Variants in RMDN2 observed in about 807,000 individuals in gnomAD.
RMDN2 encodes the protein regulator of microtubule dynamics 2, also known as regulator of microtubule dynamics protein 2.
Under a neutral mutation model 52.8 loss-of-function variants are expected in RMDN2, and 61 were observed. The ratio of observed to expected loss-of-function variants is 1.16; its 90% confidence interval spans 0.94 to 1.43. The LOEUF (loss-of-function observed/expected upper bound fraction) is 1.43. RMDN2 is among the 40% of genes most tolerant of loss of function. RMDN2 has a pLI of 0.00. For missense variants in RMDN2, 592 were observed against 475.3 expected (o/e 1.25, Z -2.28); for synonymous variants, 180 against 153.1 (o/e 1.18, Z -1.30).
In RMDN2 at chr2:37,978,661, A is replaced by C. The variant is rs148470113; in HGVS notation, c.731-2622A>C. Among the ~76,000 whole-genome samples, 226 of 152,298 alleles carry C rather than the reference A, an allele frequency of 1.5e-3. No individual in the cohort carries two copies. The Middle Eastern group carries it at 0.034, about 23-fold the overall frequency. On this transcript the variant is annotated intron_variant, in intron 4 of 10. Transcript: ENST00000354545. ...GGCAACATAGGGAGACCTTGTCTCT[A>C]CTAAAAATAACACGACTGAGGTGGG...
intron 2 of RMDN2, among the ~76,000 whole-genome samples, chr2:37,938,971 C>T (rs1251531666): frequency 1.3e-5 from 2 of 152,122 alleles, no homozygotes; most frequent in African/African-American, 2.4e-5. Flanking sequence ...TGCACTAGTT[C>T]TTTTAATTGT....
rs143879249 is a variant in RMDN2, at chr2:38,004,002, A to C, written c.1056A>C (p.Leu352=). Residue 352 remains leucine, a synonymous_variant, in exon 9 of 11, where the codon CTA becomes CTC. Transcript: ENST00000354545. ...TTCTCTCAAATCAGGCTGAAGAACT[A>C]TGCCCTGGTTATTCTAATCCCAATT... ...ALHNFLKAEE[L]CPGYSNPNYM... 11 of 1,612,632 alleles carry C rather than the reference A, an allele frequency of 6.8e-6. No homozygotes were observed.
At chr2:37,969,544 A>T (rs1211581619) in intron 2 of RMDN2, among the ~76,000 whole-genome samples, 1 of 151,784 alleles carries the variant, frequency 6.6e-6, no homozygotes, top group African/African-American at 2.4e-5. Context: ...TGATTTTGGA[A>T]GATTTATTAT....
chr2:37,960,468 C>CT (rs1036794071), intron 2 of RMDN2, among the ~76,000 whole-genome samples: 41 of 150,764 alleles, frequency 2.7e-4, no homozygotes, highest in Admixed American at 4.6e-4. Flanking sequence ...GCAACCCCTG[C>CT]TTTTTTTTTG....
chr2:38,061,821 A>T (rs1180845066), intron 10 of RMDN2, among the ~76,000 whole-genome samples: 1 of 152,180 alleles, frequency 6.6e-6, no homozygotes, highest in Non-Finnish European at 1.5e-5. Flanking sequence ...ATTAACACTT[A>T]TGACATTGAA....
At chr2:37,929,823 C>G in intron 2 of RMDN2, 94 bp downstream of exon 2, 2 of 764,740 alleles carry the variant, frequency 2.6e-6, no homozygotes, top group Non-Finnish European at 4.1e-6. Flanking sequence ...GTCATATATC[C>G]TGCTGCTCAC....
chr2:37,943,155 G>T (rs1027779774), intron 2 of RMDN2, among the ~76,000 whole-genome samples: 2 of 152,222 alleles, frequency 1.3e-5, no homozygotes, highest in African/African-American at 4.8e-5. Flanking sequence ...TATGAAGCTG[G>T]ATGCTGTGGG....
At chr2:37,942,110 TGTCCCTCATGGCAA>T (rs1170211198) in intron 2 of RMDN2, among the ~76,000 whole-genome samples, 1 of 152,164 alleles carries the variant, frequency 6.6e-6, no homozygotes, top group Non-Finnish European at 1.5e-5. Context: ...CAGATATCTC[TGTCCCTCATGGCAA>T]GTCCCTCACA....
intron 5 of RMDN2, among the ~76,000 whole-genome samples, chr2:37,989,028 C>G (rs541296248): frequency 1.3e-5 from 2 of 151,848 alleles, no homozygotes; most frequent in African/African-American, 4.8e-5. Flanking sequence ...TTGTTTTAAT[C>G]GTGGTATTTA....
At chr2:37,948,760 C>CA (rs1224481876) in intron 2 of RMDN2, among the ~76,000 whole-genome samples, 1 of 152,096 alleles carries the variant, frequency 6.6e-6, no homozygotes, top group African/African-American at 2.4e-5. Context: ...CCTCATCCCC[C>CA]AAATGCGCAC....
At chr2:38,041,428 T>TTTTTG (rs1680945216) in intron 10 of RMDN2, among the ~76,000 whole-genome samples, 1 of 18,710 alleles carries the variant, frequency 5.3e-5, no homozygotes, top group South Asian at 4.6e-3. Context: ...TTTTTATTGG[T>TTTTTG]TTTTTTTTTT....
intron 2 of RMDN2, among the ~76,000 whole-genome samples, chr2:37,958,606 C>G (rs1249246169): frequency 6.6e-6 from 1 of 150,854 alleles, no homozygotes; most frequent in Non-Finnish European, 1.5e-5. Context: ...GACTTCCTCT[C>G]TTTGTATTTG....
intron 10 of RMDN2, among the ~76,000 whole-genome samples, chr2:38,011,977 C>G (rs1244712802): frequency 6.6e-6 from 1 of 152,142 alleles, no homozygotes; most frequent in Non-Finnish European, 1.5e-5. Context: ...TAAATGTAAA[C>G]GTCAACATGT....
rs1301947040 is a variant in RMDN2 at position 37,997,433 on chromosome 2, G to C, written c.963G>C (p.Trp321Cys). 13 of 1,613,038 alleles carry C rather than the reference G, an allele frequency of 8.1e-6. No individual in the cohort carries two copies. The highest frequency in any genetic ancestry group is 1.1e-5 in the Non-Finnish European group (13 of 1,179,188). ...RYCYTVSKLS[W>C]IEKKMAATLF... ...ATTTGCAGGTCTCAAAACTGAGCTG[G>C]ATTGAGAAAAAAATGGCTGCTACTC... The change falls in exon 8 of 11, where the codon TGG becomes TGC. Residue 321 changes from tryptophan (W) to cysteine (C), a missense_variant. Physicochemically the swap from Trp to Cys is radical, Grantham distance 215. Coordinates refer to ENST00000354545, the MANE Select transcript of RMDN2 (RefSeq NM_001170791.3).
chr2:37,974,883 A>T (rs1333513837), intron 3 of RMDN2: 1 of 241,410 alleles, frequency 4.1e-6, no homozygotes, highest in Non-Finnish European at 7.8e-6. Context: ...GATAACTTGG[A>T]AAGGAAAAGA....
intron 10 of RMDN2, among the ~76,000 whole-genome samples, chr2:38,006,424 C>A (rs1677096166): frequency 6.6e-6 from 1 of 152,158 alleles, no homozygotes. Flanking sequence ...CTTCACGTCC[C>A]TTGTAAGTTG....
rs762518166 is a variant in RMDN2, at chr2:37,975,299, CATT to C, written c.718_720del (p.Tyr240del). On this transcript the variant is annotated inframe_deletion, in exon 4 of 11. Coordinates refer to ENST00000354545, the MANE Select transcript of RMDN2 (RefSeq NM_001170791.3). ...ATCTACAAACACACAAGAAAAGAAA[CATT>C]ATGCTAATATTGGTAAGCATTTTGT... is the stretch of plus-strand genomic sequence containing the variant. The C allele has an allele frequency of 3.8e-6, 6 of 1,586,136 alleles. No homozygotes were observed. The highest frequency in any genetic ancestry group is 5.2e-6 in the Non-Finnish European group (6 of 1,155,206).
chr2:38,008,452 A>G (rs1677441303), intron 10 of RMDN2, among the ~76,000 whole-genome samples: 1 of 152,184 alleles, frequency 6.6e-6, no homozygotes, highest in Non-Finnish European at 1.5e-5. Context: ...TCCCTTTACC[A>G]TTATGTAATG....
chr2:38,035,038 C>T (rs1428847764), intron 10 of RMDN2, among the ~76,000 whole-genome samples: 1 of 152,014 alleles, frequency 6.6e-6, no homozygotes, highest in Non-Finnish European at 1.5e-5. Context: ...GAAAGTAATA[C>T]ATTAACAGAA....
Sources: allele counts gnomAD v4.1 joint callset (sites outside exome capture counted in the v4.1 genomes callset), GRCh38; gene constraint gnomAD v4.1.1; transcripts MANE v1.5; gene names NCBI Gene and HGNC (gene_info 2026-07-23, HGNC 2026-07-21).